Variants in KANK1 observed in about 807,000 individuals in gnomAD.
KANK1 encodes KN motif and ankyrin repeat domains 1.
KANK1 carries 109 observed loss-of-function variants against 106.2 expected under a neutral mutation model. The observed-to-expected ratio is 1.03, with a 90% confidence interval of 0.88 to 1.20. KANK1 has a LOEUF of 1.20. Among genes scored for constraint, KANK1 ranks in the 50% most tolerant of loss-of-function variants. The pLI, the probability that KANK1 is intolerant of heterozygous loss-of-function variation, is 0.00. For missense variants in KANK1, 2,399 were observed against 1,710.7 expected, an observed-to-expected ratio of 1.40 and a Z score of -7.10; for synonymous variants, 873 against 652.2, an observed-to-expected ratio of 1.34 and a Z score of -5.16.
At chr9:567,990 G>A (rs1163695457) in intron 1 of KANK1, among the ~76,000 whole-genome samples, 4 of 148,858 alleles carry the variant, frequency 2.7e-5, no homozygotes, top group Non-Finnish European at 5.9e-5. Flanking sequence ...GCTTGGCATT[G>A]TTGGTTTTTT....
intron 1 of KANK1, among the ~76,000 whole-genome samples, chr9:641,558 T>C (rs1838436567): frequency 6.6e-6 from 1 of 152,202 alleles, no homozygotes; most frequent in South Asian, 2.1e-4. Context: ...TTCCAAGGCA[T>C]ATTACCCTGT....
At chr9:735,475 A>G (rs887101700) in intron 7 of KANK1, among the ~76,000 whole-genome samples, 1 of 152,210 alleles carries the variant, frequency 6.6e-6, no homozygotes, top group Non-Finnish European at 1.5e-5. Context: ...AGAATGACAT[A>G]TTCTCATGTG....
chr9:700,653 AC>A (rs1417602051), intron 2 of KANK1, among the ~76,000 whole-genome samples: 2 of 152,172 alleles, frequency 1.3e-5, no homozygotes, highest in African/African-American at 4.8e-5. Flanking sequence ...CTTCTCTAGG[AC>A]TGACTCAGCT....
chr9:516,828 C>T (rs887938547), intron 1 of KANK1, among the ~76,000 whole-genome samples: 1 of 151,622 alleles, frequency 6.6e-6, no homozygotes, highest in African/African-American at 2.4e-5. Flanking sequence ...ATTATAGTGG[C>T]TTAGCAGCCC....
intron 1 of KANK1, among the ~76,000 whole-genome samples, chr9:572,630 ATCC>A (rs1306822598): frequency 1.3e-5 from 2 of 152,242 alleles, no homozygotes; most frequent in South Asian, 2.1e-4. Flanking sequence ...GCCTCAGGCA[ATCC>A]TCCTGCCATG....
At chr9:602,098 T>C (rs1277613539) in intron 1 of KANK1, among the ~76,000 whole-genome samples, 2 of 151,912 alleles carry the variant, frequency 1.3e-5, no homozygotes, top group Non-Finnish European at 2.9e-5. Context: ...ACATACCCTG[T>C]AGAAAAATAG....
At chr9:571,607 C>G (rs182401054) in intron 1 of KANK1, among the ~76,000 whole-genome samples, 2 of 151,440 alleles carry the variant, frequency 1.3e-5, no homozygotes, top group Admixed American at 1.3e-4. Context: ...AAAAGAAAAA[C>G]GTGACTAAGA....
chr9:671,942 C>T (rs1038689499), intron 1 of KANK1, among the ~76,000 whole-genome samples: 7 of 151,976 alleles, frequency 4.6e-5, no homozygotes, highest in Non-Finnish European at 1.0e-4. Context: ...AGCAAGACTC[C>T]GTCTCAAAAA....
intron 1 of KANK1, among the ~76,000 whole-genome samples, chr9:671,623 A>AAAAAAAAAAAAAAAAAAAAAAAAG (rs79437342): frequency 1.6e-4 from 17 of 103,616 alleles, no homozygotes; most frequent in South Asian, 5.9e-4. Context: ...CTCAAAAAAA[A>AAAAAAAAAAAAAAAAAAAAAAAAG]AAAAGAGTGT....
At chr9:660,121 T>C in intron 1 of KANK1, 1 of 430,848 alleles carries the variant, frequency 2.3e-6, no homozygotes, top group Non-Finnish European at 4.6e-6. Context: ...AGACCCTTAC[T>C]ACTGTCCAAG....
chr9:481,646 T>C (rs2058207083), intron 3 of KANK1, among the ~76,000 whole-genome samples: 1 of 152,108 alleles, frequency 6.6e-6, no homozygotes, highest in African/African-American at 2.4e-5. Context: ...TTTCTAACTT[T>C]GATCTAGATG....
Position 551,541 on chromosome 9 carries a change from C to T in KANK1, c.-84+46787C>T, listed in dbSNP as rs561740355. Among the ~76,000 whole-genome samples, 6 of 152,268 alleles carry T rather than the reference C, an allele frequency of 3.9e-5. No homozygotes were observed. In the East Asian group the frequency reaches 1.2e-3, roughly 29 times the overall value. The stretch of plus-strand genomic sequence containing the variant: ...ATCTGAAAGTGTTTACCTCTTAACT[C>T]TGTGAAGTTAGCTGGTTATTCTGGA... On this transcript the variant is annotated intron_variant, in intron 1 of 11. Transcript: ENST00000382297.
intron 1 of KANK1, among the ~76,000 whole-genome samples, chr9:606,294 C>T (rs56388811): frequency 0.061 from 8,433 of 139,274 alleles, 679 homozygotes; most frequent in African/African-American, 0.11. Context: ...CGGTGGCTCA[C>T]ACCTGAAATC....
chr9:508,644 C>G (rs2058887481), intron 1 of KANK1, among the ~76,000 whole-genome samples: 1 of 147,300 alleles, frequency 6.8e-6, no homozygotes, highest in South Asian at 2.1e-4. Context: ...CACAGACTCA[C>G]ACGGTATATA....
At chr9:726,938 C>T (rs1391326973) in intron 3 of KANK1, among the ~76,000 whole-genome samples, 3 of 152,154 alleles carry the variant, frequency 2.0e-5, no homozygotes, top group Non-Finnish European at 4.4e-5. Flanking sequence ...CCAGCCTGGG[C>T]AACAGCACAA....
intron 1 of KANK1, among the ~76,000 whole-genome samples, chr9:655,487 G>C (rs111664015): frequency 3.2e-4 from 48 of 152,200 alleles, no homozygotes; most frequent in African/African-American, 1.0e-3. Context: ...GGTTAAACCA[G>C]TGCTCCTTCC....
At chr9:587,566 G>C (rs1823811793) in intron 1 of KANK1, among the ~76,000 whole-genome samples, 1 of 152,140 alleles carries the variant, frequency 6.6e-6, no homozygotes, top group Admixed American at 6.5e-5. Context: ...GATAATCAAT[G>C]TTAAAATTGT....
intron 1 of KANK1, among the ~76,000 whole-genome samples, chr9:570,008 T>A (rs1307273308): frequency 6.6e-6 from 1 of 152,210 alleles, no homozygotes; most frequent in Non-Finnish European, 1.5e-5. Flanking sequence ...CACAGTCTCG[T>A]ATTAGGATTT....
In KANK1 at chr9:742,311, C is replaced by T; in HGVS notation, c.3803C>T (p.Ser1268Phe). Residue 1268 changes from serine (S) to phenylalanine (F), a missense_variant, in exon 10 of 12, where the codon TCC (serine) becomes TTC (phenylalanine). By Grantham distance (155) the Ser-to-Phe change is radical (BLOSUM62 -2). Transcript: ENST00000382297. Reference sequence around the variant, plus strand: ...GTCAACATCCAGGATGACGAGGGCTCCACGGCCCTCATGTGTGCCAGCGAG... The same window carrying T: ...GTCAACATCCAGGATGACGAGGGCTTCACGGCCCTCATGTGTGCCAGCGAG... ...ADVNIQDDEG[S>F]TALMCASEHG... The T allele has an allele frequency of 1.9e-6, 3 of 1,613,930 alleles. No individual in the cohort carries two copies. The highest frequency in any genetic ancestry group is 1.7e-6 in the Non-Finnish European group (2 of 1,179,816).
Sources: allele counts gnomAD v4.1 joint callset (sites outside exome capture counted in the v4.1 genomes callset), GRCh38; gene constraint gnomAD v4.1.1; transcripts MANE v1.5; gene names NCBI Gene and HGNC (gene_info 2026-07-23, HGNC 2026-07-21).